Variants in ALG5 observed in about 807,000 individuals in gnomAD.
ALG5 encodes the protein ALG5 dolichyl-phosphate beta-glucosyltransferase.
Under a neutral mutation model 51.8 loss-of-function variants are expected in ALG5, and 26 were observed. The observed-to-expected ratio is 0.50, with a 90% confidence interval of 0.37 to 0.70. ALG5 has a LOEUF of 0.70. Among genes scored for constraint, ALG5 ranks in the 30% least tolerant of loss-of-function variants. ALG5 has a pLI of 0.00. For synonymous variants in ALG5, 141 were observed against 136.1 expected (o/e 1.04, Z -0.25); for missense variants, 311 against 399.3 (o/e 0.78, Z 1.88).
Position 36,949,977 on chromosome 13 carries a change from C to T in ALG5, c.940G>A (p.Ala314Thr). 1.2e-6 allele frequency: 2 copies of T among 1,613,008 alleles called. No individual in the cohort carries two copies. Among genetic ancestry groups the T allele is most frequent in the Non-Finnish European group, 1.7e-6 (2 of 1,179,698 alleles). Reference protein sequence around the residue: ...LFIRLRYLTGAWRLEQTRKMN With the variant: ...LFIRLRYLTGTWRLEQTRKMN ...TTCCGAGTTTGCTCAAGCCTCCAGG[C>T]ACCAGTCAAATATCGAAGTCGTATA... Residue 314 changes from alanine (A) to threonine (T), a missense_variant, in exon 10 of 10, where the codon GCC (alanine) becomes ACC (threonine). Physicochemically the swap from Ala to Thr is moderately conservative, Grantham distance 58. Transcript: ENST00000239891.
intron 8 of ALG5, among the ~76,000 whole-genome samples, chr13:36,959,867 G>A (rs1202643472): frequency 6.6e-6 from 1 of 151,864 alleles, no homozygotes; most frequent in Admixed American, 6.6e-5. Flanking sequence ...TAAGGAAATG[G>A]AGATAGAGGA....
chr13:36,967,624 T>G, intron 7 of ALG5: 1 of 330,870 alleles, frequency 3.0e-6, no homozygotes, highest in East Asian at 7.6e-5. Context: ...GCACTTCTCA[T>G]TTATCATCTA....
At chr13:36,966,944 G>A (rs1178843030) in intron 7 of ALG5, among the ~76,000 whole-genome samples, 2 of 152,012 alleles carry the variant, frequency 1.3e-5, no homozygotes, top group African/African-American at 2.4e-5. Context: ...CAAATCAGGC[G>A]AGGTGCGGTG....
At chr13:36,963,599 T>G (rs926151440) in intron 8 of ALG5, among the ~76,000 whole-genome samples, 2 of 152,132 alleles carry the variant, frequency 1.3e-5, no homozygotes, top group African/African-American at 4.8e-5. Context: ...TAACTATGAG[T>G]TTATTTTATT....
At chr13:36,969,683 C>T (rs961708807) in intron 7 of ALG5, among the ~76,000 whole-genome samples, 13 of 151,930 alleles carry the variant, frequency 8.6e-5, no homozygotes, top group African/African-American at 2.7e-4. Context: ...TACAGGTGGG[C>T]GCCACCACAC....
Position 36,985,641 on chromosome 13 carries a change from G to C in ALG5, c.547C>G (p.Leu183Val). 6.2e-7 allele frequency: 1 copy of C among 1,612,844 alleles called. No homozygotes were observed. Among genetic ancestry groups the C allele is most frequent in the Non-Finnish European group, 8.5e-7 (1 of 1,179,168 alleles). Residue 183 changes from leucine (L) to valine (V), a missense_variant, in exon 6 of 10, where the codon CTA (leucine) becomes GTA (valine). Coordinates refer to ENST00000239891, the MANE Select transcript of ALG5 (RefSeq NM_013338.5). ...CTTATACTCACAGGCCAAGGCTGTA[G>C]ATCATTTAGCCCCTTTTCTAATTTC... ...VEKLEKGLND[L>V]QPWPNQMAIA...
intron 8 of ALG5, among the ~76,000 whole-genome samples, chr13:36,957,510 A>G (rs1337684950): frequency 2.0e-5 from 3 of 152,100 alleles, no homozygotes; most frequent in Admixed American, 2.0e-4. Context: ...TAGGCATACA[A>G]TATCACTTAC....
chr13:36,973,426 G>A (rs1298070939), intron 6 of ALG5, among the ~76,000 whole-genome samples: 2 of 152,134 alleles, frequency 1.3e-5, no homozygotes, highest in East Asian at 3.9e-4. Flanking sequence ...CATCGTGGTA[G>A]CCACTTGGAA....
At chr13:36,981,345 C>A (rs545322709) in intron 6 of ALG5, among the ~76,000 whole-genome samples, 2 of 152,106 alleles carry the variant, frequency 1.3e-5, no homozygotes, top group East Asian at 3.9e-4. Context: ...TAATGACTGC[C>A]ATCTAGTGAG....
intron 4 of ALG5, among the ~76,000 whole-genome samples, chr13:36,992,920 G>T (rs1207896145): frequency 6.6e-6 from 1 of 152,096 alleles, no homozygotes; most frequent in African/African-American, 2.4e-5. Context: ...CCCCTCCCTT[G>T]CTTGTCCTCC....
intron 6 of ALG5, among the ~76,000 whole-genome samples, chr13:36,978,420 C>T (rs552728048): frequency 2.0e-5 from 3 of 152,068 alleles, no homozygotes; most frequent in East Asian, 2.0e-4. Flanking sequence ...CTCCTGACCT[C>T]GGGTGATCCG....
chr13:36,958,913 C>T (rs1376202000), intron 8 of ALG5, among the ~76,000 whole-genome samples: 1 of 152,054 alleles, frequency 6.6e-6, no homozygotes, highest in Admixed American at 6.6e-5. Context: ...CAGGAAGTGG[C>T]AACCCCCTTT....
intron 2 of ALG5, 34 bp from the exon 3 acceptor site, chr13:36,995,069 G>A: frequency 6.3e-7 from 1 of 1,583,224 alleles, no homozygotes; most frequent in South Asian, 1.1e-5. Flanking sequence ...AATCACTTTT[G>A]AAAATGATTT....
rs1030959594 is a variant in ALG5, at chr13:36,979,788, C to T, written c.561+5839G>A. The stretch of plus-strand genomic sequence containing the variant: ...TAAGGGCCAGGCGTGGTGACTCAGC[C>T]TGTAATCCCAGCACTTTGGGGGCCA... On this transcript the variant is annotated intron_variant, in intron 6 of 9. Coordinates refer to ENST00000239891, the MANE Select transcript of ALG5 (RefSeq NM_013338.5). 3.9e-5 allele frequency among the ~76,000 whole-genome samples: 6 copies of T among 152,154 alleles called. No individual in the cohort carries two copies. The East Asian group carries it at 9.6e-4, about 24-fold the overall frequency.
intron 7 of ALG5, among the ~76,000 whole-genome samples, chr13:36,968,298 T>C (rs1425289011): frequency 1.3e-5 from 2 of 152,220 alleles, no homozygotes; most frequent in Non-Finnish European, 2.9e-5. Context: ...GTATCTTCAA[T>C]GTTTATAAAA....
chr13:36,976,116 G>C (rs1422896811), intron 6 of ALG5, among the ~76,000 whole-genome samples: 1 of 151,810 alleles, frequency 6.6e-6, no homozygotes, highest in Non-Finnish European at 1.5e-5. Context: ...GGATGTTTTA[G>C]CTATCCATAT....
chr13:36,973,516 A>G (rs2058936057), intron 6 of ALG5, among the ~76,000 whole-genome samples: 1 of 152,222 alleles, frequency 6.6e-6, no homozygotes, highest in East Asian at 1.9e-4. Flanking sequence ...AATGTAAAAC[A>G]TCAGAAATCA....
intron 8 of ALG5, among the ~76,000 whole-genome samples, 195 bp downstream of exon 8, chr13:36,965,380 A>G (rs551798992): frequency 6.6e-6 from 1 of 152,318 alleles, no homozygotes; most frequent in East Asian, 1.9e-4. Context: ...ACTTTATACC[A>G]TATTGTTGGG....
chr13:36,982,250 A>AG (rs1221432762), intron 6 of ALG5, among the ~76,000 whole-genome samples: 6 of 152,218 alleles, frequency 3.9e-5, no homozygotes, highest in African/African-American at 1.4e-4. Context: ...AAACAATGGA[A>AG]GGGGGTGATT....
Sources: allele counts gnomAD v4.1 joint callset (sites outside exome capture counted in the v4.1 genomes callset), GRCh38; gene constraint gnomAD v4.1.1; transcripts MANE v1.5; gene names NCBI Gene and HGNC (gene_info 2026-07-23, HGNC 2026-07-21).